PLOD2: variants seen among roughly 807,000 people sequenced by gnomAD.
The protein encoded by PLOD2 is procollagen-lysine,2-oxoglutarate 5-dioxygenase 2.
PLOD2 carries 65 observed loss-of-function variants against 101.0 expected under a neutral mutation model. The observed-to-expected ratio is 0.64, with a 90% confidence interval of 0.53 to 0.79. The LOEUF is 0.79. PLOD2 is among the 30% of genes least tolerant of loss of function. PLOD2 has a pLI of 0.00. For missense variants in PLOD2, 909 were observed against 914.6 expected (o/e 0.99, Z 0.08); for synonymous variants, 314 against 302.9 (o/e 1.04, Z -0.38).
intron 12 of PLOD2, among the ~76,000 whole-genome samples, chr3:146,080,234 G>A (rs561125956): frequency 4.6e-5 from 7 of 151,622 alleles, no homozygotes; most frequent in Admixed American, 4.6e-4. Flanking sequence ...CATACACTAC[G>A]TTTTTTCCTA....
intron 7 of PLOD2, among the ~76,000 whole-genome samples, chr3:146,099,485 C>T (rs748282778): frequency 2.0e-5 from 3 of 152,228 alleles, no homozygotes; most frequent in Non-Finnish European, 4.4e-5. Flanking sequence ...CAACCTCTGC[C>T]TCCCAGGTTT....
chr3:146,148,653 C>T (rs1427074759), intron 1 of PLOD2, among the ~76,000 whole-genome samples: 1 of 152,112 alleles, frequency 6.6e-6, no homozygotes, highest in Admixed American at 6.5e-5. Context: ...GAGGAAATAA[C>T]ACAACTCTCC....
rs147970197 is a variant in PLOD2, at chr3:146,133,441, G to A, written c.110-9212C>T. ...ACAAAAAAACACTTTACTTAGAACT[G>A]CTTGCAATAACTCCCTTCAGTAAAT... On this transcript the variant is annotated intron_variant, in intron 1 of 19. Coordinates refer to ENST00000282903, the MANE Select transcript of PLOD2 (RefSeq NM_182943.3). Among the ~76,000 whole-genome samples the A allele has an allele frequency of 3.9e-5, 6 of 152,110 alleles. No individual in the cohort carries two copies. In the East Asian group the frequency reaches 5.8e-4, roughly 15 times the overall value.
At chr3:146,129,131 T>C (rs1367453799) in intron 1 of PLOD2, among the ~76,000 whole-genome samples, 2 of 152,120 alleles carry the variant, frequency 1.3e-5, no homozygotes, top group Admixed American at 6.6e-5. Flanking sequence ...TGACCAGACA[T>C]GTCTTTTATC....
Position 146,070,591 on chromosome 3 carries a change from C to A in PLOD2, c.*126G>T. 3.3e-6 allele frequency: 2 copies of A among 615,332 alleles called. No individual in the cohort carries two copies. Among genetic ancestry groups the A allele is most frequent in the South Asian group, 5.2e-5 (2 of 38,582 alleles). The allele number at this position is 615,332 out of a possible 1,614,324, so 38.1% of individuals were successfully genotyped here. A position where few individuals can be genotyped will look rare whatever the true frequency, so the allele number is the denominator to read the frequency against. ...TAAAAAGTTTTTCAAATGTTTGGCCCAAAGTGAAGTTGTTCTGTTGATGTT... is the reference window on the plus strand; with the variant it reads ...TAAAAAGTTTTTCAAATGTTTGGCCAAAAGTGAAGTTGTTCTGTTGATGTT... On this transcript the variant is annotated 3_prime_UTR_variant, in exon 20 of 20. Transcript: ENST00000282903.
chr3:146,159,816 T>A (rs1056773403), intron 1 of PLOD2, among the ~76,000 whole-genome samples: 1 of 152,316 alleles, frequency 6.6e-6, no homozygotes, highest in South Asian at 2.1e-4. Context: ...CACTGTTTTG[T>A]AGAAAGATAG....
chr3:146,135,422 C>G (rs188480356), intron 1 of PLOD2, among the ~76,000 whole-genome samples: 339 of 152,260 alleles, frequency 2.2e-3, no homozygotes, highest in Non-Finnish European at 2.8e-3. Context: ...ATTATTCACT[C>G]TGTGTTGAAA....
intron 1 of PLOD2, among the ~76,000 whole-genome samples, chr3:146,146,055 T>C (rs918057297): frequency 6.6e-5 from 10 of 152,178 alleles, no homozygotes; most frequent in Non-Finnish European, 1.3e-4. Context: ...ATTTCATAAG[T>C]TTCTTTTTTT....
intron 4 of PLOD2, among the ~76,000 whole-genome samples, chr3:146,107,547 T>C (rs1224734894): frequency 6.6e-6 from 1 of 151,460 alleles, no homozygotes; most frequent in Non-Finnish European, 1.5e-5. Context: ...TTACTGTTAT[T>C]GGAGAAAAAA....
intron 6 of PLOD2, 63 bp from the exon 7 acceptor site, chr3:146,102,915 G>C (rs961878557): frequency 4.9e-6 from 4 of 819,718 alleles, no homozygotes; most frequent in Non-Finnish European, 6.3e-6. Flanking sequence ...GTCTGTATTC[G>C]TGTGTCTGTG....
chr3:146,115,416 G>A (rs1937862043), intron 3 of PLOD2, among the ~76,000 whole-genome samples: 2 of 151,892 alleles, frequency 1.3e-5, no homozygotes, highest in East Asian at 1.9e-4. Context: ...TTTCCTTTTT[G>A]TCCTTCTGTG....
chr3:146,118,686 A>G (rs1938036599), intron 3 of PLOD2, among the ~76,000 whole-genome samples: 1 of 152,184 alleles, frequency 6.6e-6, no homozygotes, highest in Non-Finnish European at 1.5e-5. Context: ...AATTATAAGA[A>G]GATGGCAAAA....
At chr3:146,131,419 G>C (rs1446538815) in intron 1 of PLOD2, among the ~76,000 whole-genome samples, 1 of 152,186 alleles carries the variant, frequency 6.6e-6, no homozygotes, top group Non-Finnish European at 1.5e-5. Flanking sequence ...TTATCTGAAA[G>C]AGGTACTATG....
chr3:146,139,118 A>G (rs2031394826), intron 1 of PLOD2, among the ~76,000 whole-genome samples: 1 of 152,166 alleles, frequency 6.6e-6, no homozygotes, highest in Admixed American at 6.5e-5. Flanking sequence ...ATGGTGATAC[A>G]GACAAGGAAC....
At chr3:146,094,799 C>A (rs1937092682) in intron 7 of PLOD2, among the ~76,000 whole-genome samples, 2 of 152,176 alleles carry the variant, frequency 1.3e-5, no homozygotes, top group East Asian at 3.8e-4. Context: ...CTGGAGGCAT[C>A]ATGCTACCTG....
Position 146,160,933 on chromosome 3 carries a change from G to C in PLOD2, c.57C>G (p.Pro19=). Residue 19 remains proline, a synonymous_variant, in exon 1 of 20, where the codon CCC becomes CCG. Coordinates refer to ENST00000282903, the MANE Select transcript of PLOD2 (RefSeq NM_182943.3). ...AGTCCGCACCCAGACAGGGATTCCA[G>C]GGGTGGAGGACGAGCGCCAGGAGCA... The part of the protein sequence containing the change: ...QLLLLALVLH[P]WNPCLGADSE... 6.2e-7 allele frequency: 1 copy of C among 1,600,976 alleles called. No homozygotes were observed. The highest frequency in any genetic ancestry group is 8.5e-7 in the Non-Finnish European group (1 of 1,174,226).
intron 8 of PLOD2, among the ~76,000 whole-genome samples, chr3:146,090,958 T>C (rs1228387492): frequency 6.6e-6 from 1 of 151,846 alleles, no homozygotes; most frequent in Admixed American, 6.6e-5. Flanking sequence ...TTCATACATA[T>C]AATCTTCCAT....
At chr3:146,148,751 A>T (rs1218770587) in intron 1 of PLOD2, among the ~76,000 whole-genome samples, 1 of 152,234 alleles carries the variant, frequency 6.6e-6, no homozygotes, top group African/African-American at 2.4e-5. Context: ...TAATATTACA[A>T]CATCTATATT....
intron 1 of PLOD2, among the ~76,000 whole-genome samples, chr3:146,147,968 CA>C (rs2031864954): frequency 6.6e-6 from 1 of 152,044 alleles, no homozygotes; most frequent in Admixed American, 6.6e-5. Flanking sequence ...TCCTCCAAAA[CA>C]AGAAAGATTC....
Sources: gnomAD v4.1 joint callset for allele counts (sites outside exome capture counted in the v4.1 genomes callset) on GRCh38, gnomAD v4.1.1 for gene constraint, MANE v1.5 for transcripts, NCBI Gene and HGNC (gene_info 2026-07-23, HGNC 2026-07-21) for gene names.